The following ZFPM2 variants were observed in gnomAD, a reference collection of about 807,000 sequenced individuals.
The protein encoded by ZFPM2 is zinc finger protein, FOG family member 2.
ZFPM2 carries 20 observed loss-of-function variants against 98.6 expected under a neutral mutation model. That is an observed-to-expected ratio of 0.20 (90% confidence interval 0.14 to 0.29). The LOEUF is 0.29. ZFPM2 is among the 10% of genes least tolerant of loss of function. The pLI, the probability that ZFPM2 is intolerant of heterozygous loss-of-function variation, is 1.00. For missense variants in ZFPM2, 1,310 were observed against 1,388.6 expected (o/e 0.94, Z 0.90); for synonymous variants, 518 against 502.7 (o/e 1.03, Z -0.41).
intron 1 of ZFPM2, among the ~76,000 whole-genome samples, chr8:105,395,941 G>A (rs772418072): frequency 1.3e-5 from 2 of 152,090 alleles, no homozygotes; most frequent in African/African-American, 2.4e-5. Context: ...TTCATATTAC[G>A]ACTTCTGAGA....
chr8:105,419,107 C>A, intron 1 of ZFPM2, 37 bp from the exon 2 acceptor site: 1 of 1,593,276 alleles, frequency 6.3e-7, no homozygotes, highest in Non-Finnish European at 8.5e-7. Context: ...GTCTTCCTTG[C>A]ATATTTTTGG....
At chr8:105,536,812 G>C (rs1355558120) in intron 3 of ZFPM2, among the ~76,000 whole-genome samples, 1 of 152,140 alleles carries the variant, frequency 6.6e-6, no homozygotes, top group East Asian at 1.9e-4. Context: ...CTGTAGGAGA[G>C]TTCTGGAATG....
At position 105,441,452 on chromosome 8, in the gene ZFPM2, GAGAAAGAAAGAAAGAA is replaced by G. The variant is rs34216988; in HGVS notation, c.200-2794_200-2779del. 4.6e-3 allele frequency among the ~76,000 whole-genome samples: 179 copies of G among 38,954 alleles called. 9 individuals carry two copies. The highest frequency in any genetic ancestry group is 6.3e-3 in the Non-Finnish European group (146 of 23,030). 25.6% of individuals were successfully genotyped at this position (38,954 alleles called of 152,430 possible). A position where few individuals can be genotyped will look rare whatever the true frequency, so the allele number is the denominator to read the frequency against. On this transcript the variant is annotated intron_variant, in intron 2 of 7. Coordinates refer to ENST00000407775, the MANE Select transcript of ZFPM2 (RefSeq NM_012082.4). The stretch of plus-strand genomic sequence containing the variant: ...AGAAAGAAAGAGAGAGAGAGAGAGA[GAGAAAGAAAGAAAGAA>G]AGAAAGAAAGAAAGAAAGAAAGAAA...
rs781186833 is a variant in ZFPM2, at chr8:105,802,937, T to C, written c.2855T>C (p.Ile952Thr). 1.1e-5 allele frequency: 17 copies of C among 1,613,226 alleles called. No homozygotes were observed. The highest frequency in any genetic ancestry group is 1.3e-5 in the Non-Finnish European group (15 of 1,179,662). The change falls in exon 8 of 8, where the codon ATT becomes ACT. Residue 952 changes from isoleucine (I) to threonine (T), a missense_variant. Transcript: ENST00000407775. The stretch of plus-strand genomic sequence containing the variant: ...GTCTTTAGTGAAGCTGCTCAGCTCA[T>C]TGCTACAAAAGAAGAAAACAGACAT... ...LKVFSEAAQL[I>T]ATKEENRHLF... is the part of the protein sequence containing the mutation.
chr8:105,330,538 C>CTATATATA (rs531060999), intron 1 of ZFPM2, among the ~76,000 whole-genome samples: 4 of 100,128 alleles, frequency 4.0e-5, no homozygotes, highest in African/African-American at 1.6e-4. Flanking sequence ...CTCTCTCTCT[C>CTATATATA]TATATATATA....
At chr8:105,649,247 T>A in intron 5 of ZFPM2, among the ~76,000 whole-genome samples, 1 of 152,264 alleles carries the variant, frequency 6.6e-6, no homozygotes, top group East Asian at 1.9e-4. Flanking sequence ...GAGACTTTGC[T>A]GAAGTTGCTT....
intron 5 of ZFPM2, among the ~76,000 whole-genome samples, chr8:105,688,767 A>C (rs1439423123): frequency 6.6e-6 from 1 of 152,156 alleles, no homozygotes; most frequent in Non-Finnish European, 1.5e-5. Context: ...TCAGACAATA[A>C]GTCTAGATCT....
At chr8:105,462,870 T>C (rs1812728331) in intron 3 of ZFPM2, among the ~76,000 whole-genome samples, 1 of 152,130 alleles carries the variant, frequency 6.6e-6, no homozygotes, top group African/African-American at 2.4e-5. Flanking sequence ...AAAAGTCGTT[T>C]ATTCGATTCA....
At chr8:105,581,074 T>C (rs1815585609) in intron 4 of ZFPM2, among the ~76,000 whole-genome samples, 1 of 152,228 alleles carries the variant, frequency 6.6e-6, no homozygotes, top group South Asian at 2.1e-4. Flanking sequence ...ATACTTATTT[T>C]ATCAATGTAA....
intron 5 of ZFPM2, among the ~76,000 whole-genome samples, chr8:105,687,314 T>C (rs1178409856): frequency 6.6e-6 from 1 of 152,176 alleles, no homozygotes; most frequent in East Asian, 1.9e-4. Context: ...GCAGTTAGCT[T>C]ATGAGAACTA....
At chr8:105,513,100 T>C (rs1449060446) in intron 3 of ZFPM2, among the ~76,000 whole-genome samples, 1 of 152,164 alleles carries the variant, frequency 6.6e-6, no homozygotes, top group Non-Finnish European at 1.5e-5. Context: ...TTAGCTCTTG[T>C]GTTTGTTGTT....
At chr8:105,539,542 G>C (rs979598539) in intron 3 of ZFPM2, among the ~76,000 whole-genome samples, 1 of 152,118 alleles carries the variant, frequency 6.6e-6, no homozygotes, top group Non-Finnish European at 1.5e-5. Flanking sequence ...TGCCTGAGAC[G>C]TATTTATTGT....
At chr8:105,344,728 G>GT (rs1812485256) in intron 1 of ZFPM2, among the ~76,000 whole-genome samples, 1 of 151,706 alleles carries the variant, frequency 6.6e-6, no homozygotes, top group Non-Finnish European at 1.5e-5. Context: ...TTATATATAT[G>GT]CTATGATTCT....
At chr8:105,684,128 G>A (rs1368784127) in intron 5 of ZFPM2, among the ~76,000 whole-genome samples, 2 of 152,072 alleles carry the variant, frequency 1.3e-5, no homozygotes, top group Non-Finnish European at 2.9e-5. Flanking sequence ...AGTATATTAC[G>A]GCTTCCCTGA....
chr8:105,663,326 G>A (rs1280355852), intron 5 of ZFPM2, among the ~76,000 whole-genome samples: 1 of 152,140 alleles, frequency 6.6e-6, no homozygotes, highest in African/African-American at 2.4e-5. Context: ...TGGATAGTAA[G>A]TACACAAAAA....
intron 5 of ZFPM2, among the ~76,000 whole-genome samples, chr8:105,710,363 T>C (rs1811354754): frequency 6.6e-6 from 1 of 152,128 alleles, no homozygotes; most frequent in African/African-American, 2.4e-5. Flanking sequence ...GAGGGGGATA[T>C]ATGGTAAATT....
At chr8:105,670,170 C>T (rs1401928433) in intron 5 of ZFPM2, 1 of 152,050 alleles carries the variant, frequency 6.6e-6, no homozygotes, top group Non-Finnish European at 1.5e-5. Flanking sequence ...AGCAAAACCA[C>T]AAAGAACATC....
chr8:105,321,877 C>A (rs528546492), intron 1 of ZFPM2, among the ~76,000 whole-genome samples: 1 of 152,228 alleles, frequency 6.6e-6, no homozygotes, highest in Admixed American at 6.5e-5. Flanking sequence ...TTCTCCGTTT[C>A]CACCACTTTG....
chr8:105,538,762 C>T (rs1814514809), intron 3 of ZFPM2, among the ~76,000 whole-genome samples: 1 of 151,916 alleles, frequency 6.6e-6, no homozygotes, highest in South Asian at 2.1e-4. Context: ...CTGTAATCTC[C>T]ACACTTCAGG....
Sources: allele counts gnomAD v4.1 joint callset (sites outside exome capture counted in the v4.1 genomes callset), GRCh38; gene constraint gnomAD v4.1.1; transcripts MANE v1.5; gene names NCBI Gene and HGNC (gene_info 2026-07-23, HGNC 2026-07-21).